FHAD1: variants seen among roughly 807,000 people sequenced by gnomAD.
FHAD1 encodes the protein forkhead-associated domain-containing protein 1.
FHAD1 carries 146 observed loss-of-function variants against 191.3 expected under a neutral mutation model. That is an observed-to-expected ratio of 0.76 (90% confidence interval 0.67 to 0.88). The LOEUF is 0.88. Ranked by LOEUF, FHAD1 falls within the 40% of genes least tolerant of loss-of-function variation. FHAD1 has a pLI of 0.00. For synonymous variants in FHAD1, 616 were observed against 672.3 expected (o/e 0.92, Z 1.29); for missense variants, 1,635 against 1,785.8 (o/e 0.92, Z 1.52).
At chr1:15,349,562 C>G (rs762860922) in intron 19 of FHAD1, among the ~76,000 whole-genome samples, 6 of 152,240 alleles carry the variant, frequency 3.9e-5, no homozygotes, top group Non-Finnish European at 8.8e-5. Flanking sequence ...GTGTGCCACA[C>G]CTGGCATGGC....
At chr1:15,375,771 A>C (rs1699402043) in intron 28 of FHAD1, 41 bp downstream of exon 28, 16 of 1,505,544 alleles carry the variant, frequency 1.1e-5, no homozygotes, top group Non-Finnish European at 1.4e-5. Flanking sequence ...TGGCATGTGG[A>C]GAGGAGGGGC....
At chr1:15,397,203 T>A (rs1041680506) in intron 33 of FHAD1, 94 bp from the exon 34 acceptor site, 23 of 552,854 alleles carry the variant, frequency 4.2e-5, no homozygotes, top group South Asian at 7.2e-5. Flanking sequence ...AAAAAAAAAA[T>A]TAAATAAAAT....
At chr1:15,248,661 C>T (rs192256264) in intron 1 of FHAD1, among the ~76,000 whole-genome samples, 18 of 151,868 alleles carry the variant, frequency 1.2e-4, no homozygotes, top group Admixed American at 9.8e-4. Context: ...TCTCAGCTCA[C>T]TGCAACCTCT....
At chr1:15,255,154 C>T (rs1007981323) in intron 2 of FHAD1, among the ~76,000 whole-genome samples, 4 of 150,800 alleles carry the variant, frequency 2.7e-5, no homozygotes, top group African/African-American at 2.4e-5. Context: ...CCAGCATTTA[C>T]ACCTAGCAAA....
In FHAD1 at chr1:15,358,266, A is replaced by G; in HGVS notation, c.2719A>G (p.Thr907Ala). Residue 907 changes from threonine (T) to alanine (A), a missense_variant, in exon 21 of 34, where the codon ACT (threonine) becomes GCT (alanine). Transcript: ENST00000688493. ...KLNETLAELE[T>A]TKTKMIMVEE... is the part of the protein sequence containing the mutation. ...AAATGAAACATTAGCCGAACTGGAA[A>G]CTACCAAGACAAAAATGGTAAGTCG... 6 of 1,529,308 alleles carry G rather than the reference A, an allele frequency of 3.9e-6. No individual in the cohort carries two copies. Among genetic ancestry groups the G allele is most frequent in the Non-Finnish European group, 5.3e-6 (6 of 1,142,118 alleles). The allele number at this position is 1,529,308 out of a possible 1,614,324, so 94.7% of individuals were successfully genotyped here.
chr1:15,386,668 T>G (rs1206193524), intron 31 of FHAD1, among the ~76,000 whole-genome samples: 1 of 152,208 alleles, frequency 6.6e-6, no homozygotes. Flanking sequence ...CGGTCTCAGC[T>G]GGGCTGGAGC....
At chr1:15,254,828 G>C (rs1927190) in intron 2 of FHAD1, among the ~76,000 whole-genome samples, 89,160 of 151,956 alleles carry the variant, frequency 0.59, 26,443 homozygotes, top group East Asian at 0.7. Context: ...ATCCTCTTCC[G>C]AAAGCTTAAA....
intron 7 of FHAD1, among the ~76,000 whole-genome samples, chr1:15,310,452 G>T (rs752139656): frequency 6.6e-6 from 1 of 152,080 alleles, no homozygotes; most frequent in Non-Finnish European, 1.5e-5. Flanking sequence ...CCTCCCCAGC[G>T]TCTGTCCATC....
intron 4 of FHAD1, among the ~76,000 whole-genome samples, chr1:15,294,537 C>T (rs1346901797): frequency 4.6e-5 from 7 of 152,102 alleles, no homozygotes; most frequent in East Asian, 3.9e-4. Flanking sequence ...AGGATTCAGG[C>T]GCCTGCCACC....
At chr1:15,294,458 A>G (rs548129886) in intron 4 of FHAD1, among the ~76,000 whole-genome samples, 3 of 152,070 alleles carry the variant, frequency 2.0e-5, no homozygotes, top group Non-Finnish European at 4.4e-5. Flanking sequence ...CAGTGGTGCA[A>G]TCTTGGCTCA....
At chr1:15,298,633 C>CT (rs1235829908) in intron 5 of FHAD1, among the ~76,000 whole-genome samples, 5 of 152,164 alleles carry the variant, frequency 3.3e-5, no homozygotes, top group African/African-American at 9.7e-5. Flanking sequence ...AATATCATGT[C>CT]TATCACTTTT....
At chr1:15,332,124 G>T (rs1316068990) in intron 14 of FHAD1, among the ~76,000 whole-genome samples, 1 of 152,192 alleles carries the variant, frequency 6.6e-6, no homozygotes, top group African/African-American at 2.4e-5. Flanking sequence ...TTCTTAAAAA[G>T]CAAAAGCAAA....
chr1:15,251,731 T>C (rs1646798735), intron 1 of FHAD1, 40 bp from the exon 2 acceptor site: 3 of 1,450,602 alleles, frequency 2.1e-6, no homozygotes, highest in Non-Finnish European at 1.9e-6. Flanking sequence ...ATTAGAGAAC[T>C]ACATTTTCTA....
intron 1 of FHAD1, among the ~76,000 whole-genome samples, chr1:15,239,699 G>C (rs892337120): frequency 1.3e-5 from 2 of 152,232 alleles, no homozygotes; most frequent in African/African-American, 4.8e-5. Context: ...CCCAGGAACA[G>C]TGATTCTGAC....
chr1:15,365,680 G>T, intron 23 of FHAD1, 147 bp from the exon 24 acceptor site: 1,305 of 387,894 alleles, frequency 3.4e-3, no homozygotes, highest in Middle Eastern at 6.5e-3. Flanking sequence ...TAGAGTTTTT[G>T]AAGACTGTCC....
At chr1:15,359,675 C>T (rs192201582) in intron 21 of FHAD1, among the ~76,000 whole-genome samples, 1 of 152,050 alleles carries the variant, frequency 6.6e-6, no homozygotes, top group East Asian at 1.9e-4. Flanking sequence ...TGGCAAAACC[C>T]CATCTCCACT....
At chr1:15,282,769 C>T (rs895964775) in intron 3 of FHAD1, among the ~76,000 whole-genome samples, 14 of 152,204 alleles carry the variant, frequency 9.2e-5, no homozygotes, top group African/African-American at 3.4e-4. Context: ...TATCCAACAC[C>T]TTCCTAAGAA....
chr1:15,246,625 G>C (rs1646072471), upstream of FHAD1, among the ~76,000 whole-genome samples: 1 of 152,138 alleles, frequency 6.6e-6, no homozygotes, highest in African/African-American at 2.4e-5. Context: ...GGACTCAAAA[G>C]ATGTTTGCAG....
rs1672794041 is a variant in FHAD1 at position 15,313,124 on chromosome 1, G to C, written c.1107G>C (p.Glu369Asp). The change falls in exon 8 of 34, where the codon GAG becomes GAC. Residue 369 changes from glutamate to aspartate, a missense_variant. Transcript: ENST00000688493. ...AGCAAGTTCAACAACTAAAGGAAGAGGTCAGTCACCTAAAAAGTCAGAACA... is the reference window on the plus strand; with the variant it reads ...AGCAAGTTCAACAACTAAAGGAAGACGTCAGTCACCTAAAAAGTCAGAACA... ...KDEQVQQLKEEVSHLKSQNKD... is the reference protein window; with the variant it reads ...KDEQVQQLKEDVSHLKSQNKD... 1.9e-6 allele frequency: 3 copies of C among 1,551,758 alleles called. No individual in the cohort carries two copies. Among genetic ancestry groups the C allele is most frequent in the Non-Finnish European group, 2.6e-6 (3 of 1,147,032 alleles).
Sources: allele counts gnomAD v4.1 joint callset (sites outside exome capture counted in the v4.1 genomes callset), GRCh38; gene constraint gnomAD v4.1.1; transcripts MANE v1.5; gene names NCBI Gene and HGNC (gene_info 2026-07-23, HGNC 2026-07-21).